PARP8: variants seen among roughly 807,000 people sequenced by gnomAD.
PARP8 encodes the protein poly(ADP-ribose) polymerase family member 8.
Under a neutral mutation model 124.1 loss-of-function variants are expected in PARP8, and 51 were observed. The ratio of observed to expected loss-of-function variants is 0.41; its 90% CI spans 0.33 to 0.52. PARP8 has a LOEUF of 0.52. PARP8 is among the 20% of genes least tolerant of loss of function. The probability of loss-of-function intolerance (pLI) is 0.21; values close to 1 mark genes in which losing one functional copy is unlikely to be tolerated. For synonymous variants in PARP8, 391 were observed against 361.5 expected, an observed-to-expected ratio of 1.08 and a Z score of -0.93; for missense variants, 860 against 1,018.9, an observed-to-expected ratio of 0.84 and a Z score of 2.12.
chr5:50,841,886 G>C (rs910344124), intron 25 of PARP8, 80 bp from the exon 26 acceptor site: 7 of 932,356 alleles, frequency 7.5e-6, no homozygotes, highest in African/African-American at 1.7e-5. Context: ...TATATTTTAG[G>C]TATCAAATAG....
chr5:50,709,922 GTA>G (rs200521595), intron 2 of PARP8, among the ~76,000 whole-genome samples: 10,505 of 93,546 alleles, frequency 0.11, 539 homozygotes, highest in African/African-American at 0.16. Context: ...TAGAAAGAGT[GTA>G]TATATATATA....
At chr5:50,774,784 A>G (rs546183729) in intron 7 of PARP8, among the ~76,000 whole-genome samples, 135 of 140,706 alleles carry the variant, frequency 9.6e-4, no homozygotes, top group African/African-American at 3.5e-3. Flanking sequence ...GGCCGGGCAG[A>G]GGCGCTCCTC....
At chr5:50,836,438 C>A (rs1394454367) in intron 25 of PARP8, among the ~76,000 whole-genome samples, 1 of 152,104 alleles carries the variant, frequency 6.6e-6, no homozygotes, top group Non-Finnish European at 1.5e-5. Context: ...ATAAGGAAAC[C>A]GCAAGTCCAG....
chr5:50,825,215 A>G (rs1038635564), intron 18 of PARP8, among the ~76,000 whole-genome samples: 1 of 152,170 alleles, frequency 6.6e-6, no homozygotes, highest in African/African-American at 2.4e-5. Context: ...CCAGGGATAA[A>G]TAGTGCATTT....
intron 2 of PARP8, among the ~76,000 whole-genome samples, chr5:50,676,223 A>AAT: frequency 6.6e-6 from 1 of 152,360 alleles, no homozygotes; most frequent in East Asian, 1.9e-4. Context: ...ATTCATTAAA[A>AAT]ATAGTTTTTG....
At chr5:50,781,431 A>C (rs1740656753) in intron 9 of PARP8, among the ~76,000 whole-genome samples, 1 of 152,184 alleles carries the variant, frequency 6.6e-6, no homozygotes, top group African/African-American at 2.4e-5. Context: ...TTCTTTTGGA[A>C]ATTAGTGTGA....
chr5:50,756,042 A>C (rs1003500487), intron 3 of PARP8, among the ~76,000 whole-genome samples: 2 of 152,126 alleles, frequency 1.3e-5, no homozygotes, highest in African/African-American at 4.8e-5. Context: ...GTATCCTGAG[A>C]CTTTGCTGAA....
At chr5:50,837,275 A>T (rs1243857123) in intron 25 of PARP8, among the ~76,000 whole-genome samples, 8 of 152,120 alleles carry the variant, frequency 5.3e-5, no homozygotes, top group African/African-American at 1.9e-4. Flanking sequence ...GAGAGAAGAG[A>T]CTCATTAAGG....
At chr5:50,805,877 A>C (rs1488603890) in intron 14 of PARP8, among the ~76,000 whole-genome samples, 1 of 151,988 alleles carries the variant, frequency 6.6e-6, no homozygotes, top group South Asian at 2.1e-4. Flanking sequence ...AAATAACTGC[A>C]ATTTTGTCAT....
intron 7 of PARP8, 156 bp downstream of exon 7, chr5:50,763,398 TTATG>T: frequency 1.7e-6 from 1 of 577,140 alleles, no homozygotes; most frequent in Non-Finnish European, 3.1e-6. Flanking sequence ...AATGACATAT[TTATG>T]GCTATTTTTT....
At chr5:50,730,487 A>G (rs993881949) in intron 2 of PARP8, among the ~76,000 whole-genome samples, 1 of 152,156 alleles carries the variant, frequency 6.6e-6, no homozygotes, top group African/African-American at 2.4e-5. Context: ...ACTCACTATT[A>G]TGAGAACAGC....
intron 25 of PARP8, among the ~76,000 whole-genome samples, 166 bp downstream of exon 25, chr5:50,835,181 AAAT>A (rs1275952443): frequency 6.6e-6 from 1 of 152,212 alleles, no homozygotes; most frequent in African/African-American, 2.4e-5. Context: ...AAAAAAATCT[AAAT>A]AATTTTTAAA....
At chr5:50,679,315 T>C (rs1751018422) in intron 2 of PARP8, among the ~76,000 whole-genome samples, 1 of 152,218 alleles carries the variant, frequency 6.6e-6, no homozygotes, top group Admixed American at 6.5e-5. Flanking sequence ...CCAGCGTTAA[T>C]GCTTTTCCTT....
At chr5:50,784,008 G>A (rs1740962524) in intron 9 of PARP8, among the ~76,000 whole-genome samples, 1 of 152,056 alleles carries the variant, frequency 6.6e-6, no homozygotes. Context: ...TGTTTTTTAT[G>A]AAAACTTTTT....
intron 15 of PARP8, among the ~76,000 whole-genome samples, chr5:50,820,396 T>C (rs1225705211): frequency 2.6e-5 from 4 of 152,224 alleles, no homozygotes; most frequent in Non-Finnish European, 4.4e-5. Context: ...TTAGGCAGTA[T>C]CAGTTTTCTT....
intron 5 of PARP8, among the ~76,000 whole-genome samples, chr5:50,760,914 C>T (rs1236270157): frequency 3.3e-5 from 5 of 152,068 alleles, no homozygotes; most frequent in African/African-American, 4.8e-5. Flanking sequence ...CAAAATTATG[C>T]ATTTGATCCA....
At chr5:50,819,884 A>G (rs1434852962) in intron 15 of PARP8, among the ~76,000 whole-genome samples, 1 of 152,196 alleles carries the variant, frequency 6.6e-6, no homozygotes, top group Non-Finnish European at 1.5e-5. Context: ...GGAGAGGAAG[A>G]CAAAAAGGAG....
chr5:50,666,866 C>A lies in PARP8; in HGVS notation c.-230C>A, dbSNP rs1163678881. 1.5e-5 allele frequency: 21 copies of A among 1,372,000 alleles called. No individual in the cohort carries two copies. Among genetic ancestry groups the A allele is most frequent in the Non-Finnish European group, 2.0e-5 (21 of 1,063,174 alleles). 85.0% of individuals were successfully genotyped at this position (1,372,000 alleles called of 1,614,324 possible). A position where few individuals can be genotyped will look rare whatever the true frequency, so the allele number is the denominator to read the frequency against. ...GGAATCCAGCAGCGGCGAGCAGCAG[C>A]TGGGCGGTCACATCTGGGAATGCAA... On this transcript the variant is annotated 5_prime_UTR_variant, in exon 1 of 26. In the 5' UTR this introduces an upstream ATG that the reference lacks. Transcript: ENST00000281631.
At chr5:50,763,588 T>C (rs373578295) in intron 7 of PARP8, among the ~76,000 whole-genome samples, 3 of 151,894 alleles carry the variant, frequency 2.0e-5, no homozygotes, top group African/African-American at 7.2e-5. Context: ...TAAAAGTAAA[T>C]GATGCCTACC....
Sources: gnomAD v4.1 joint callset for allele counts (sites outside exome capture counted in the v4.1 genomes callset) on GRCh38, gnomAD v4.1.1 for gene constraint, MANE v1.5 for transcripts, NCBI Gene and HGNC (gene_info 2026-07-23, HGNC 2026-07-21) for gene names.